The following CEP135 variants were observed in gnomAD, a reference collection of about 807,000 sequenced individuals.
CEP135 encodes centrosomal protein 135, also known as centrosomal protein of 135 kDa.
A neutral mutation model predicts 157.3 loss-of-function variants in CEP135; 142 were observed. The observed-to-expected ratio is 0.90, with a 90% CI of 0.79 to 1.04. The LOEUF is 1.04. Ranked by LOEUF, CEP135 falls within the 50% of genes least tolerant of loss-of-function variation. The pLI, the probability that CEP135 is intolerant of heterozygous loss-of-function variation, is 0.00. For missense variants in CEP135, 1,317 were observed against 1,309.2 expected, an observed-to-expected ratio of 1.01 and a Z score of -0.09; for synonymous variants, 396 against 439.8, an observed-to-expected ratio of 0.90 and a Z score of 1.25.
At chr4:56,027,858 A>G (rs1435688882) in intron 25 of CEP135, among the ~76,000 whole-genome samples, 1 of 151,890 alleles carries the variant, frequency 6.6e-6, no homozygotes, top group Non-Finnish European at 1.5e-5. Context: ...CATCACCACT[A>G]TCTAATTCTA....
Position 55,980,145 on chromosome 4 carries a change from T to G in CEP135, c.1476T>G (p.Gly492=). ...TTTGTTTTTTAATTATGTTTCAGGG[T>G]GATTACAATTCAGAAATTCATCAGA... The part of the protein sequence containing the change: ...KSSIFRTPEK[G]DYNSEIHQIT... Residue 492 remains glycine (G), a splice_region_variant and synonymous_variant, in exon 12 of 26, where the codon GGT becomes GGG. Coordinates refer to ENST00000257287, the MANE Select transcript of CEP135 (RefSeq NM_025009.5). The G allele has an allele frequency of 6.2e-7, 1 of 1,608,308 alleles. No individual in the cohort carries two copies.
At chr4:56,020,299 G>C (rs545152322) in intron 23 of CEP135, among the ~76,000 whole-genome samples, 11 of 152,298 alleles carry the variant, frequency 7.2e-5, no homozygotes, top group African/African-American at 2.6e-4. Context: ...TTTGTAGGAA[G>C]AGGGAAAGAA....
intron 11 of CEP135, among the ~76,000 whole-genome samples, chr4:55,976,964 C>G (rs892055663): frequency 1.3e-5 from 2 of 151,786 alleles, no homozygotes; most frequent in African/African-American, 4.8e-5. Context: ...CATGTGCTAC[C>G]ATGCCTGGCT....
chr4:56,021,100 T>C (rs779785129), intron 24 of CEP135, among the ~76,000 whole-genome samples: 11 of 152,120 alleles, frequency 7.2e-5, no homozygotes, highest in Non-Finnish European at 1.3e-4. Flanking sequence ...AGGACAAAAT[T>C]AGAATCCAAA....
At chr4:56,017,274 T>C (rs1242878544) in intron 21 of CEP135, among the ~76,000 whole-genome samples, 1 of 152,140 alleles carries the variant, frequency 6.6e-6, no homozygotes, top group African/African-American at 2.4e-5. Flanking sequence ...AGGAGTGATA[T>C]GTATATATAT....
Position 56,022,646 on chromosome 4 carries a change from A to G in CEP135, c.3321-1855A>G, listed in dbSNP as rs1026507856. On this transcript the variant is annotated intron_variant, in intron 24 of 25. Transcript: ENST00000257287. ...AGAGTCTAGGCCAGAGACTATGAAT[A>G]GCCCACAAAGGAGATGGCAACATAA... Among the ~76,000 whole-genome samples, 3 of 152,328 alleles carry G rather than the reference A, an allele frequency of 2.0e-5. No individual in the cohort carries two copies. In the South Asian group the frequency reaches 6.2e-4, roughly 32 times the overall value.
intron 10 of CEP135, among the ~76,000 whole-genome samples, chr4:55,974,317 T>C (rs1230380423): frequency 6.6e-6 from 1 of 152,242 alleles, no homozygotes; most frequent in Non-Finnish European, 1.5e-5. Context: ...CTAATAATTA[T>C]GTTTGAGTTA....
intron 21 of CEP135, among the ~76,000 whole-genome samples, chr4:56,014,000 G>A (rs1730683352): frequency 6.6e-6 from 1 of 152,172 alleles, no homozygotes; most frequent in South Asian, 2.1e-4. Flanking sequence ...AGTGATATGT[G>A]TAGAAGTCAA....
At position 55,999,529 on chromosome 4, in the gene CEP135, G is replaced by C; in HGVS notation, c.2164G>C (p.Ala722Pro). ...TAAGATGACTTCACAGGATGAGGAG[G>C]CTCATGTAATGAAAAAGACCATTGG... is the stretch of plus-strand genomic sequence containing the variant. ...NLKMTSQDEE[A>P]HVMKKTIGVI... is the part of the protein sequence containing the mutation. Residue 722 changes from alanine to proline, a missense_variant, in exon 17 of 26, where the codon GCT (alanine) becomes CCT (proline). Coordinates refer to ENST00000257287, the MANE Select transcript of CEP135 (RefSeq NM_025009.5). 1.2e-6 allele frequency: 2 copies of C among 1,611,142 alleles called. No individual in the cohort carries two copies. Among genetic ancestry groups the C allele is most frequent in the Non-Finnish European group, 1.7e-6 (2 of 1,179,432 alleles).
At chr4:56,028,151 A>T (rs1731216667) in intron 25 of CEP135, among the ~76,000 whole-genome samples, 1 of 152,208 alleles carries the variant, frequency 6.6e-6, no homozygotes, top group Non-Finnish European at 1.5e-5. Context: ...TGTTTCTATC[A>T]TATGGTTATT....
chr4:56,016,476 TTTA>T (rs974087618), intron 21 of CEP135, among the ~76,000 whole-genome samples: 5 of 152,322 alleles, frequency 3.3e-5, no homozygotes, highest in African/African-American at 1.2e-4. Context: ...TATTTTGTTC[TTTA>T]TTATTGTTCA....
At chr4:56,009,647 T>C in intron 18 of CEP135, 88 bp from the exon 19 acceptor site, 1 of 1,141,462 alleles carries the variant, frequency 8.8e-7, no homozygotes, top group South Asian at 1.6e-5. Context: ...ATTTGTATTC[T>C]AAGTATACTT....
At chr4:55,961,196 A>T (rs1462830546) in intron 6 of CEP135, among the ~76,000 whole-genome samples, 1 of 151,800 alleles carries the variant, frequency 6.6e-6, no homozygotes, top group Non-Finnish European at 1.5e-5. Context: ...ACATGAGTTT[A>T]ATATTACTGG....
At chr4:55,961,865 T>G (rs1240962635) in intron 6 of CEP135, among the ~76,000 whole-genome samples, 1 of 150,554 alleles carries the variant, frequency 6.6e-6, no homozygotes, top group Non-Finnish European at 1.5e-5. Context: ...ATATTTGTAC[T>G]CAGGCTATCT....
At chr4:56,005,640 A>G (rs1041856752) in intron 17 of CEP135, among the ~76,000 whole-genome samples, 2 of 152,206 alleles carry the variant, frequency 1.3e-5, no homozygotes, top group African/African-American at 4.8e-5. Flanking sequence ...TACCACAACT[A>G]CAGTATCACA....
chr4:56,012,421 G>A (rs1164679577), intron 21 of CEP135, among the ~76,000 whole-genome samples: 2 of 152,182 alleles, frequency 1.3e-5, no homozygotes, highest in Non-Finnish European at 2.9e-5. Context: ...GTAAATTTCT[G>A]TCATTCTCAT....
intron 10 of CEP135, 40 bp from the exon 11 acceptor site, chr4:55,974,706 A>G: frequency 3.5e-6 from 5 of 1,441,054 alleles, no homozygotes; most frequent in South Asian, 2.4e-5. Flanking sequence ...AACATTATGT[A>G]TACAACATTA....
chr4:55,996,912 A>G (rs970898946), intron 15 of CEP135, among the ~76,000 whole-genome samples: 3 of 152,186 alleles, frequency 2.0e-5, no homozygotes, highest in African/African-American at 7.2e-5. Flanking sequence ...GTGTAGCTCC[A>G]TGTAATACAA....
intron 11 of CEP135, among the ~76,000 whole-genome samples, chr4:55,977,883 G>C (rs115178192): frequency 0.024 from 3,709 of 152,188 alleles, 67 homozygotes; most frequent in Admixed American, 0.06. Context: ...TTATTTGCTG[G>C]TTCAAAGCAC....
Sources: gnomAD v4.1 joint callset for allele counts (sites outside exome capture counted in the v4.1 genomes callset) on GRCh38, gnomAD v4.1.1 for gene constraint, MANE v1.5 for transcripts, NCBI Gene and HGNC (gene_info 2026-07-23, HGNC 2026-07-21) for gene names.